Variants in SLC24A3 observed in about 807,000 individuals in gnomAD.
SLC24A3 encodes the protein sodium/potassium/calcium exchanger 3.
In SLC24A3, 28 loss-of-function variants were observed where a neutral mutation model predicts 75.8. The observed-to-expected ratio is 0.37, with a 90% CI of 0.27 to 0.51. SLC24A3 has a LOEUF of 0.51. SLC24A3 is among the 20% of genes least tolerant of loss of function. SLC24A3 has a pLI of 0.94. For missense variants in SLC24A3, 663 were observed against 847.8 expected, an observed-to-expected ratio of 0.78 and a Z score of 2.71; for synonymous variants, 372 against 334.1, an observed-to-expected ratio of 1.11 and a Z score of -1.24.
At chr20:19,237,400 G>C (rs1007893545) in intron 1 of SLC24A3, among the ~76,000 whole-genome samples, 1 of 152,166 alleles carries the variant, frequency 6.6e-6, no homozygotes, top group Non-Finnish European at 1.5e-5. Context: ...CCTGAGAAGG[G>C]ATTTCATGAG....
chr20:19,603,399 G>T (rs941243958), intron 6 of SLC24A3, among the ~76,000 whole-genome samples: 3 of 152,180 alleles, frequency 2.0e-5, no homozygotes, highest in Admixed American at 6.5e-5. Flanking sequence ...AAAGAGTTCC[G>T]TGTGGAATGG....
intron 2 of SLC24A3, among the ~76,000 whole-genome samples, chr20:19,473,802 CG>C (rs1987914962): frequency 6.6e-6 from 1 of 152,202 alleles, no homozygotes; most frequent in South Asian, 2.1e-4. Context: ...TAGGTGAGAT[CG>C]GGCTGGCCCA....
At chr20:19,355,986 C>G (rs779312345) in intron 2 of SLC24A3, among the ~76,000 whole-genome samples, 11 of 152,108 alleles carry the variant, frequency 7.2e-5, no homozygotes, top group Non-Finnish European at 1.6e-4. Flanking sequence ...TAGAGACCCC[C>G]TAAATTCTAC....
chr20:19,515,601 T>C, intron 3 of SLC24A3, 37 bp downstream of exon 3: 2 of 1,607,102 alleles, frequency 1.2e-6, no homozygotes, highest in African/African-American at 1.3e-5. Flanking sequence ...GGAGGGTCCA[T>C]AGGCTAGGCC....
chr20:19,594,123 TC>T (rs1279763283), intron 6 of SLC24A3, among the ~76,000 whole-genome samples: 1 of 152,124 alleles, frequency 6.6e-6, no homozygotes, highest in Non-Finnish European at 1.5e-5. Flanking sequence ...CTGGAAAGCT[TC>T]CCCTGGTAAA....
In SLC24A3 at chr20:19,721,994, G is replaced by C. The variant is rs2033109050; in HGVS notation, c.*854G>C. On this transcript the variant is annotated 3_prime_UTR_variant, in exon 17 of 17. Coordinates refer to ENST00000328041, the MANE Select transcript of SLC24A3 (RefSeq NM_020689.4). Reference sequence around the variant, plus strand: ...GGTTCTTTCTAGTTTTCAAGCAATAGTTCTAGCCTGCCTTGGACAAGGGGG... The same window carrying C: ...GGTTCTTTCTAGTTTTCAAGCAATACTTCTAGCCTGCCTTGGACAAGGGGG... 1 of 152,602 alleles carries C rather than the reference G, an allele frequency of 6.6e-6. No individual in the cohort carries two copies. Among genetic ancestry groups the C allele is most frequent in the African/African-American group, 2.4e-5 (1 of 41,430 alleles). 9.5% of individuals were successfully genotyped at this position (152,602 alleles called of 1,614,324 possible). A position where few individuals can be genotyped will look rare whatever the true frequency, so the allele number is the denominator to read the frequency against.
In SLC24A3 at chr20:19,280,944, T is replaced by C; in HGVS notation, c.143-15T>C. ...AGCTGTGAATGATGTGTGGTTATTG[T>C]CTTTGTCTCCCCAGAGCTTGACCTC... On this transcript the variant is annotated splice_polypyrimidine_tract_variant and intron_variant, in intron 1 of 16. Coordinates refer to ENST00000328041, the MANE Select transcript of SLC24A3 (RefSeq NM_020689.4). 5 of 1,612,550 alleles carry C rather than the reference T, an allele frequency of 3.1e-6. No homozygotes were observed. The highest frequency in any genetic ancestry group is 4.2e-6 in the Non-Finnish European group (5 of 1,179,150).
intron 1 of SLC24A3, among the ~76,000 whole-genome samples, chr20:19,221,204 C>T (rs967051818): frequency 5.9e-5 from 9 of 152,146 alleles, no homozygotes; most frequent in Admixed American, 1.3e-4. Context: ...ATTACAGGTG[C>T]GAGCCCTCAC....
intron 1 of SLC24A3, among the ~76,000 whole-genome samples, chr20:19,235,207 T>A (rs548429678): frequency 6.6e-6 from 1 of 152,330 alleles, no homozygotes; most frequent in East Asian, 1.9e-4. Context: ...GGCCTGGAGC[T>A]GTAGCTGCTT....
At chr20:19,566,889 C>G (rs2030967431) in intron 3 of SLC24A3, among the ~76,000 whole-genome samples, 1 of 152,132 alleles carries the variant, frequency 6.6e-6, no homozygotes, top group South Asian at 2.1e-4. Flanking sequence ...AATAACACAG[C>G]CAACAAGCGC....
chr20:19,632,691 TCAAAC>T (rs1393037839), intron 6 of SLC24A3, among the ~76,000 whole-genome samples: 3 of 152,122 alleles, frequency 2.0e-5, no homozygotes, highest in Non-Finnish European at 4.4e-5. Context: ...TAGGAGACCA[TCAAAC>T]AGATTGTATA....
At chr20:19,707,188 G>A (rs1031686605) in intron 15 of SLC24A3, among the ~76,000 whole-genome samples, 8 of 152,192 alleles carry the variant, frequency 5.3e-5, no homozygotes, top group African/African-American at 1.7e-4. Flanking sequence ...TGGCCAAAGA[G>A]TATCACACAG....
chr20:19,608,060 A>G (rs1568671197), intron 6 of SLC24A3, among the ~76,000 whole-genome samples: 1 of 152,246 alleles, frequency 6.6e-6, no homozygotes, highest in Non-Finnish European at 1.5e-5. Flanking sequence ...TTAAAAGTGC[A>G]AGTCATTTTT....
chr20:19,422,145 G>A (rs1986928446), intron 2 of SLC24A3, among the ~76,000 whole-genome samples: 1 of 152,076 alleles, frequency 6.6e-6, no homozygotes, highest in Non-Finnish European at 1.5e-5. Flanking sequence ...CATGCAGACT[G>A]GGTAGAGCTG....
At chr20:19,635,967 C>T (rs1382574463) in intron 6 of SLC24A3, among the ~76,000 whole-genome samples, 2 of 152,128 alleles carry the variant, frequency 1.3e-5, no homozygotes, top group East Asian at 1.9e-4. Context: ...GGTGAAACCC[C>T]GTCTCTGCTA....
intron 6 of SLC24A3, among the ~76,000 whole-genome samples, chr20:19,617,561 G>A (rs2031752099): frequency 6.6e-6 from 1 of 152,168 alleles, no homozygotes; most frequent in Non-Finnish European, 1.5e-5. Context: ...CATGACTTTT[G>A]TTTCAGGGAA....
At chr20:19,275,365 G>T (rs1483268629) in intron 1 of SLC24A3, among the ~76,000 whole-genome samples, 1 of 152,216 alleles carries the variant, frequency 6.6e-6, no homozygotes, top group Non-Finnish European at 1.5e-5. Context: ...GGGCATAAAA[G>T]ATAATTTTGC....
intron 6 of SLC24A3, among the ~76,000 whole-genome samples, chr20:19,640,361 AAGGCTGGGGTG>A (rs1271116866): frequency 6.6e-6 from 1 of 152,218 alleles, no homozygotes; most frequent in Non-Finnish European, 1.5e-5. Flanking sequence ...CCTGGTGAGG[AAGGCTGGGGTG>A]AGGCAAGGAG....
At chr20:19,315,978 G>C (rs1457829255) in intron 2 of SLC24A3, among the ~76,000 whole-genome samples, 1 of 152,134 alleles carries the variant, frequency 6.6e-6, no homozygotes, top group Non-Finnish European at 1.5e-5. Flanking sequence ...CTAACACAAA[G>C]CTTTTTATTA....
Sources: allele counts gnomAD v4.1 joint callset (sites outside exome capture counted in the v4.1 genomes callset), GRCh38; gene constraint gnomAD v4.1.1; transcripts MANE v1.5; gene names NCBI Gene and HGNC (gene_info 2026-07-23, HGNC 2026-07-21).